Variants in ITPR2 observed in about 807,000 individuals in gnomAD.
ITPR2 encodes the protein inositol 1,4,5-trisphosphate receptor type 2, also known as inositol 1,4,5-trisphosphate-gated calcium channel ITPR2.
A neutral mutation model predicts 317.1 loss-of-function variants in ITPR2; 207 were observed. The observed-to-expected ratio is 0.65, with a 90% CI of 0.58 to 0.73. ITPR2 has a LOEUF of 0.73. ITPR2 is among the 30% of genes least tolerant of loss of function. The probability of loss-of-function intolerance (pLI) is 0.00; values close to 1 mark genes in which losing one functional copy is unlikely to be tolerated. For missense variants in ITPR2, 2,613 were observed against 3,284.0 expected, an observed-to-expected ratio of 0.80 and a Z score of 4.99; for synonymous variants, 1,156 against 1,149.1, an observed-to-expected ratio of 1.01 and a Z score of -0.12.
At chr12:26,654,180 A>T in intron 20 of ITPR2, 54 bp from the exon 21 acceptor site, 1 of 1,411,216 alleles carries the variant, frequency 7.1e-7, no homozygotes, top group Non-Finnish European at 9.6e-7. Context: ...GGAAAAAAAA[A>T]TTGGGTACTG....
intron 1 of ITPR2, among the ~76,000 whole-genome samples, chr12:26,801,549 A>G (rs1194060857): frequency 6.6e-6 from 1 of 152,162 alleles, no homozygotes; most frequent in Non-Finnish European, 1.5e-5. Flanking sequence ...GCTTTGGAGG[A>G]TGCCTGTCTC....
At chr12:26,509,998 GTGTGTGGT>G (rs1943291595) in intron 37 of ITPR2, among the ~76,000 whole-genome samples, 2 of 128,328 alleles carry the variant, frequency 1.6e-5, no homozygotes, top group African/African-American at 3.1e-5. Flanking sequence ...GTGTGTGTGT[GTGTGTGGT>G]GGGGGGTGGG....
chr12:26,756,855 C>G (rs1949530737), intron 2 of ITPR2, among the ~76,000 whole-genome samples: 1 of 152,122 alleles, frequency 6.6e-6, no homozygotes, highest in Admixed American at 6.5e-5. Context: ...GAGGCTGAGA[C>G]CTATTGGGCT....
At chr12:26,586,081 T>C (rs1352991552) in intron 32 of ITPR2, among the ~76,000 whole-genome samples, 1 of 152,244 alleles carries the variant, frequency 6.6e-6, no homozygotes, top group Non-Finnish European at 1.5e-5. Flanking sequence ...TATAAGTTCT[T>C]CATGTGATGG....
Position 26,486,285 on chromosome 12 carries a change from G to T in ITPR2, c.5630C>A (p.Ala1877Glu). 1 of 1,613,726 alleles carries T rather than the reference G, an allele frequency of 6.2e-7. No individual in the cohort carries two copies. Among genetic ancestry groups the T allele is most frequent in the South Asian group, 1.1e-5 (1 of 91,080 alleles). Residue 1877 changes from alanine to glutamate, a missense_variant, in exon 41 of 57, where the codon GCA (alanine) becomes GAA (glutamate). Physicochemically the swap from Ala to Glu is moderately radical, Grantham distance 107. This residue lies in a region of ITPR2 where 926 missense variants were observed against 1,072.8 expected (regional missense o/e 0.86). Transcript: ENST00000381340. Reference protein sequence around the residue: ...LTEASSATSKAYCVYRREMDP... With the variant: ...LTEASSATSKEYCVYRREMDP... The stretch of plus-strand genomic sequence containing the variant: ...CATTTCTCTTCTGTATACACAATAT[G>T]CTTTGGATGTTGCTGAAGAAGCTTC...
intron 9 of ITPR2, among the ~76,000 whole-genome samples, chr12:26,708,486 T>A (rs891767676): frequency 1.3e-5 from 2 of 152,186 alleles, no homozygotes; most frequent in Non-Finnish European, 2.9e-5. Context: ...TTAAGTGAAA[T>A]AAGCCAGGCA....
At chr12:26,390,432 C>T (rs73284358) in intron 54 of ITPR2, among the ~76,000 whole-genome samples, 3 of 152,166 alleles carry the variant, frequency 2.0e-5, no homozygotes, top group East Asian at 1.9e-4. Flanking sequence ...TAAAAAGGAA[C>T]GAAGTACTGA....
At chr12:26,811,036 C>CAAAAAAAAA (rs79796097) in intron 1 of ITPR2, among the ~76,000 whole-genome samples, 6 of 108,308 alleles carry the variant, frequency 5.5e-5, no homozygotes, top group East Asian at 2.7e-4. Context: ...TTTTAAGTTA[C>CAAAAAAAAA]AAAAAAAAAA....
chr12:26,829,088 C>T (rs918350606), intron 1 of ITPR2, among the ~76,000 whole-genome samples: 2 of 152,174 alleles, frequency 1.3e-5, no homozygotes, highest in African/African-American at 2.4e-5. Flanking sequence ...TTTTCAATGA[C>T]GTGCCAGATG....
At chr12:26,527,737 T>C (rs1293595487) in intron 37 of ITPR2, among the ~76,000 whole-genome samples, 3 of 152,192 alleles carry the variant, frequency 2.0e-5, no homozygotes, top group African/African-American at 7.2e-5. Context: ...TTCTATACTA[T>C]AAAGCAAGGA....
intron 9 of ITPR2, among the ~76,000 whole-genome samples, chr12:26,704,762 T>G (rs762383714): frequency 2.6e-5 from 4 of 152,268 alleles, no homozygotes; most frequent in Non-Finnish European, 4.4e-5. Context: ...ATTCTTAACT[T>G]TTTTTACACA....
chr12:26,407,537 CAG>C (rs1453318056), intron 52 of ITPR2, among the ~76,000 whole-genome samples: 2 of 151,984 alleles, frequency 1.3e-5, no homozygotes, highest in Non-Finnish European at 2.9e-5. Context: ...AAATACGTAA[CAG>C]AGAATATTTA....
At chr12:26,437,238 G>A (rs1274186986) in intron 47 of ITPR2, among the ~76,000 whole-genome samples, 1 of 152,048 alleles carries the variant, frequency 6.6e-6, no homozygotes, top group Admixed American at 6.6e-5. Context: ...CTTAACACCA[G>A]GATTAAAAAA....
intron 22 of ITPR2, among the ~76,000 whole-genome samples, chr12:26,628,459 T>C (rs1304232905): frequency 2.6e-5 from 4 of 152,244 alleles, no homozygotes; most frequent in Non-Finnish European, 5.9e-5. Context: ...GAGGTAATGA[T>C]GACGTCATTT....
intron 10 of ITPR2, among the ~76,000 whole-genome samples, chr12:26,688,998 T>C (rs76630621): frequency 0.027 from 4,185 of 152,276 alleles, 182 homozygotes; most frequent in African/African-American, 0.096. Context: ...GGTATTTTTA[T>C]CACAAAAATA....
chr12:26,594,532 TA>T (rs1341475991), intron 32 of ITPR2, among the ~76,000 whole-genome samples: 3 of 152,124 alleles, frequency 2.0e-5, no homozygotes, highest in African/African-American at 7.2e-5. Flanking sequence ...CAAATACATC[TA>T]TATAAGGCCT....
chr12:26,563,229 T>C (rs965675208), intron 34 of ITPR2, among the ~76,000 whole-genome samples: 3 of 152,130 alleles, frequency 2.0e-5, no homozygotes, highest in East Asian at 3.8e-4. Flanking sequence ...TAGAACTTGA[T>C]AGAGAAGCAA....
chr12:26,391,677 G>C (rs546358691), intron 54 of ITPR2, among the ~76,000 whole-genome samples: 112 of 147,270 alleles, frequency 7.6e-4, no homozygotes, highest in Non-Finnish European at 2.8e-4. Flanking sequence ...CGATTCTCCT[G>C]CCTCAGCCTC....
chr12:26,577,666 C>G (rs921675019), intron 34 of ITPR2, among the ~76,000 whole-genome samples: 2 of 152,094 alleles, frequency 1.3e-5, no homozygotes, highest in Non-Finnish European at 2.9e-5. Context: ...TTCAATTAAG[C>G]CTCTTGGGTT....
Sources: gnomAD v4.1 joint callset for allele counts (sites outside exome capture counted in the v4.1 genomes callset) on GRCh38, gnomAD v4.1.1 for gene constraint, gnomAD v4.1.1 regional missense constraint, MANE v1.5 for transcripts, NCBI Gene and HGNC (gene_info 2026-07-23, HGNC 2026-07-21) for gene names.